Variants in WNT7A observed in about 807,000 individuals in gnomAD.
The protein encoded by WNT7A is protein Wnt-7a.
In WNT7A, 16 loss-of-function variants were observed where a neutral mutation model predicts 28.2. The ratio of observed to expected loss-of-function variants is 0.57; its 90% CI spans 0.38 to 0.86. The LOEUF is 0.86. Among genes scored for constraint, WNT7A ranks in the 40% least tolerant of loss-of-function variants. The pLI, the probability that WNT7A is intolerant of heterozygous loss-of-function variation, is 0.00. For missense variants in WNT7A, 411 were observed against 489.7 expected, an observed-to-expected ratio of 0.84 and a Z score of 1.52; for synonymous variants, 190 against 195.9, an observed-to-expected ratio of 0.97 and a Z score of 0.25.
chr3:13,876,341 G>A (rs1403841311), intron 1 of WNT7A, among the ~76,000 whole-genome samples: 1 of 152,236 alleles, frequency 6.6e-6, no homozygotes. Flanking sequence ...CTGAGGGCTG[G>A]CATTTTCTCA....
chr3:13,822,154 C>T (rs4343608), intron 3 of WNT7A, among the ~76,000 whole-genome samples: 24,006 of 152,266 alleles, frequency 0.16, 2,321 homozygotes, highest in Middle Eastern at 0.24. Context: ...GAGGCAGCCA[C>T]TCTGGAAAAC....
chr3:13,849,346 C>T lies in WNT7A; in HGVS notation c.570+5186G>A, dbSNP rs546275247. On this transcript the variant is annotated intron_variant, in intron 3 of 3. Transcript: ENST00000285018. Reference sequence around the variant, plus strand: ...TTAAATCTGAATTTGAGATACATGGCGAATCATTTTTTAGTATGTCTTGTG... The same window carrying T: ...TTAAATCTGAATTTGAGATACATGGTGAATCATTTTTTAGTATGTCTTGTG... Among the ~76,000 whole-genome samples, 6 of 152,152 alleles carry T rather than the reference C, an allele frequency of 3.9e-5. No individual in the cohort carries two copies. In the East Asian group the frequency reaches 5.8e-4, roughly 15 times the overall value.
chr3:13,826,890 C>G (rs1288251317), intron 3 of WNT7A, among the ~76,000 whole-genome samples: 1 of 152,184 alleles, frequency 6.6e-6, no homozygotes, highest in East Asian at 1.9e-4. Context: ...GCCTAATGCC[C>G]ACAATAAAGA....
At chr3:13,820,779 C>T (rs895986913) in intron 3 of WNT7A, among the ~76,000 whole-genome samples, 6 of 152,118 alleles carry the variant, frequency 3.9e-5, no homozygotes, top group African/African-American at 1.4e-4. Context: ...GAGAGGTGAC[C>T]AGTGTTTGGT....
intron 2 of WNT7A, chr3:13,863,626 T>C (rs1694868051): frequency 6.6e-6 from 1 of 152,140 alleles, no homozygotes; most frequent in South Asian, 2.1e-4. Flanking sequence ...AAAAAGTCCT[T>C]TGTTAGCTGC....
Position 13,854,678 on chromosome 3 carries a change from G to A in WNT7A, c.424C>T (p.His142Tyr). Residue 142 changes from histidine (H) to tyrosine (Y), a missense_variant, in exon 3 of 4, where the codon CAC (histidine) becomes TAC (tyrosine). By Grantham distance (83) the His-to-Tyr change is moderately conservative. Coordinates refer to ENST00000285018, the MANE Select transcript of WNT7A (RefSeq NM_004625.4). The part of the protein sequence containing the change: ...GCDKEKQGQY[H>Y]RDEGWKWGGC... Reference sequence around the variant, plus strand: ...CCCCACTTCCAGCCCTCGTCCCGGTGGTACTGGCCTTGCTTCTCTTTGTCG... The same window carrying A: ...CCCCACTTCCAGCCCTCGTCCCGGTAGTACTGGCCTTGCTTCTCTTTGTCG... 1.2e-6 allele frequency: 2 copies of A among 1,614,184 alleles called. No individual in the cohort carries two copies. The highest frequency in any genetic ancestry group is 1.7e-6 in the Non-Finnish European group (2 of 1,180,036).
chr3:13,861,139 C>T (rs1008052854), intron 2 of WNT7A, among the ~76,000 whole-genome samples: 1 of 152,208 alleles, frequency 6.6e-6, no homozygotes, highest in East Asian at 1.9e-4. Context: ...CATTCCAGTC[C>T]TACTGACTCC....
chr3:13,839,986 G>A (rs541129781), intron 3 of WNT7A, among the ~76,000 whole-genome samples: 141 of 152,262 alleles, frequency 9.3e-4, no homozygotes, highest in Non-Finnish European at 1.6e-3. Context: ...AATGTCCTCC[G>A]CAGGCTTCCA....
intron 2 of WNT7A, among the ~76,000 whole-genome samples, chr3:13,857,483 GAGGTGGGC>G (rs1694764512): frequency 6.6e-6 from 1 of 152,174 alleles, no homozygotes; most frequent in African/African-American, 2.4e-5. Flanking sequence ...GCCAGCGCAG[GAGGTGGGC>G]AGGTGGGGTT....
rs762544956 is a variant in WNT7A at position 13,833,084 on chromosome 3, T to C, written c.571-13661A>G. On this transcript the variant is annotated intron_variant, in intron 3 of 3. Coordinates refer to ENST00000285018, the MANE Select transcript of WNT7A (RefSeq NM_004625.4). Reference sequence around the variant, plus strand: ...TCTTTCTAGGCTCCTACCCCCCCAGTAACCTGTGTGGCCTGCACACAGTCA... The same window carrying C: ...TCTTTCTAGGCTCCTACCCCCCCAGCAACCTGTGTGGCCTGCACACAGTCA... 2.3e-4 allele frequency among the ~76,000 whole-genome samples: 35 copies of C among 151,924 alleles called. 1 individual carries two copies. The highest frequency in any genetic ancestry group is 5.9e-5 in the Non-Finnish European group (4 of 67,982).
At chr3:13,833,795 C>T (rs917260749) in intron 3 of WNT7A, among the ~76,000 whole-genome samples, 1 of 152,242 alleles carries the variant, frequency 6.6e-6, no homozygotes, top group Non-Finnish European at 1.5e-5. Context: ...TGTGCTTCTC[C>T]CAACTGCTGG....
intron 2 of WNT7A, among the ~76,000 whole-genome samples, chr3:13,866,458 G>A (rs1694911230): frequency 2.6e-5 from 4 of 152,334 alleles, no homozygotes. Flanking sequence ...ACTACACAGC[G>A]CTGCACAGAT....
At chr3:13,867,731 C>T (rs1368187250) in intron 2 of WNT7A, among the ~76,000 whole-genome samples, 1 of 152,210 alleles carries the variant, frequency 6.6e-6, no homozygotes, top group Non-Finnish European at 1.5e-5. Flanking sequence ...ACTACAACCA[C>T]ACTGGCCAAA....
At chr3:13,840,355 C>T (rs961772505) in intron 3 of WNT7A, among the ~76,000 whole-genome samples, 10 of 152,206 alleles carry the variant, frequency 6.6e-5, no homozygotes, top group Admixed American at 2.0e-4. Context: ...TCCCTTCCCC[C>T]GGAATGTCAG....
intron 1 of WNT7A, chr3:13,877,180 T>C (rs1575077233): frequency 6.6e-6 from 1 of 152,248 alleles, no homozygotes; most frequent in Non-Finnish European, 1.5e-5. Context: ...CAAGGCAGTA[T>C]GGTGGGTGCT....
intron 3 of WNT7A, among the ~76,000 whole-genome samples, chr3:13,853,624 A>C (rs1021889536): frequency 7.2e-5 from 11 of 152,152 alleles, no homozygotes; most frequent in Non-Finnish European, 1.3e-4. Flanking sequence ...ACAGCCTCTG[A>C]CAGTTCCCAG....
At chr3:13,850,395 T>G (rs146613061) in intron 3 of WNT7A, among the ~76,000 whole-genome samples, 17 of 152,250 alleles carry the variant, frequency 1.1e-4, no homozygotes, top group African/African-American at 4.1e-4. Context: ...CAGGCCTGCC[T>G]GCGGCCAGGG....
chr3:13,841,390 T>G (rs1694454393), intron 3 of WNT7A, among the ~76,000 whole-genome samples: 1 of 152,246 alleles, frequency 6.6e-6, no homozygotes, highest in Non-Finnish European at 1.5e-5. Context: ...AGAGCAAGAA[T>G]GCAGCCTCTG....
intron 3 of WNT7A, among the ~76,000 whole-genome samples, chr3:13,838,743 A>G (rs1027556208): frequency 3.3e-5 from 5 of 152,180 alleles, no homozygotes; most frequent in Non-Finnish European, 5.9e-5. Context: ...CTAGTCTCAA[A>G]GGGCAACTCT....
Sources: gnomAD v4.1 joint callset for allele counts (sites outside exome capture counted in the v4.1 genomes callset) on GRCh38, gnomAD v4.1.1 for gene constraint, MANE v1.5 for transcripts, NCBI Gene and HGNC (gene_info 2026-07-23, HGNC 2026-07-21) for gene names.